DAP: variants seen among roughly 807,000 people sequenced by gnomAD.
DAP encodes death-associated protein 1.
DAP carries 8 observed loss-of-function variants against 13.8 expected under a neutral mutation model. The ratio of observed to expected loss-of-function variants is 0.58; its 90% confidence interval spans 0.34 to 1.05. The LOEUF is 1.05. DAP is among the 50% of genes least tolerant of loss of function. The probability of loss-of-function intolerance (pLI) is 0.03; values close to 1 mark genes in which losing one functional copy is unlikely to be tolerated. For missense variants in DAP, 106 were observed against 133.2 expected, an observed-to-expected ratio of 0.80 and a Z score of 1.01; for synonymous variants, 47 against 47.5, an observed-to-expected ratio of 0.99 and a Z score of 0.04.
At position 10,721,005 on chromosome 5, in the gene DAP, T is replaced by G. The variant is rs561208041; in HGVS notation, c.152+27170A>C. Among the ~76,000 whole-genome samples the G allele has an allele frequency of 7.2e-5, 11 of 152,346 alleles. No individual in the cohort carries two copies. The East Asian group carries it at 2.1e-3, about 29-fold the overall frequency. On this transcript the variant is annotated intron_variant, in intron 2 of 3. Transcript: ENST00000230895. Reference sequence around the variant, plus strand: ...CTAAAGAAGTCTGACACTGGGCTCATGCTCATGGAATTCACTGGTCTTACC... The same window carrying G: ...CTAAAGAAGTCTGACACTGGGCTCAGGCTCATGGAATTCACTGGTCTTACC...
intron 2 of DAP, among the ~76,000 whole-genome samples, chr5:10,694,933 T>C (rs1738396620): frequency 2.0e-5 from 3 of 152,190 alleles, no homozygotes; most frequent in Middle Eastern, 3.2e-3. Context: ...GCTTCCAGAG[T>C]TTACAGAAAA....
At chr5:10,685,131 A>C (rs1359084850) in intron 2 of DAP, among the ~76,000 whole-genome samples, 1 of 107,404 alleles carries the variant, frequency 9.3e-6, no homozygotes, top group Non-Finnish European at 1.8e-5. Flanking sequence ...AGAGTTTACC[A>C]AAAACACCTG....
chr5:10,681,221 G>C (rs1214298433), intron 3 of DAP, 52 bp from the exon 4 acceptor site: 1 of 1,398,136 alleles, frequency 7.2e-7, no homozygotes, highest in African/African-American at 1.5e-5. Context: ...CATGGGGTTT[G>C]TGGGTGAGGA....
chr5:10,760,919 G>T, intron 1 of DAP, 95 bp downstream of exon 1: 2 of 815,838 alleles, frequency 2.5e-6, no homozygotes, highest in Non-Finnish European at 3.2e-6. Context: ...CTCAGCGCTC[G>T]CCGGGGCCCT....
intron 2 of DAP, among the ~76,000 whole-genome samples, chr5:10,732,796 A>C (rs1262148366): frequency 6.6e-6 from 1 of 152,206 alleles, no homozygotes; most frequent in African/African-American, 2.4e-5. Flanking sequence ...AAATATTTTT[A>C]TTATGGTTAA....
intron 1 of DAP, among the ~76,000 whole-genome samples, chr5:10,759,625 A>G (rs1294268462): frequency 6.6e-6 from 1 of 152,110 alleles, no homozygotes; most frequent in Admixed American, 6.5e-5. Context: ...CTCCGTCACC[A>G]CTGAAAAATA....
chr5:10,724,420 A>C (rs1251472839), intron 2 of DAP, among the ~76,000 whole-genome samples: 2 of 152,168 alleles, frequency 1.3e-5, no homozygotes, highest in Non-Finnish European at 2.9e-5. Context: ...TTTCTCTATA[A>C]AAGTCCCATA....
intron 2 of DAP, among the ~76,000 whole-genome samples, chr5:10,691,784 G>T (rs1213223674): frequency 6.6e-6 from 1 of 152,170 alleles, no homozygotes; most frequent in Non-Finnish European, 1.5e-5. Flanking sequence ...TTAGAATCCA[G>T]ATAACACTTC....
chr5:10,733,049 T>C (rs145584438), intron 2 of DAP, among the ~76,000 whole-genome samples: 131 of 152,338 alleles, frequency 8.6e-4, no homozygotes, highest in African/African-American at 3.1e-3. Context: ...TGCAGTACTT[T>C]TCCTTTGGTA....
chr5:10,690,109 TGCAC>T (rs1463178315), intron 2 of DAP, among the ~76,000 whole-genome samples: 2 of 88,878 alleles, frequency 2.3e-5, no homozygotes, highest in Non-Finnish European at 4.8e-5. Context: ...GCTTTAAGAC[TGCAC>T]TTTTTACACA....
chr5:10,709,849 C>T (rs1221888580), intron 2 of DAP, among the ~76,000 whole-genome samples: 2 of 152,200 alleles, frequency 1.3e-5, no homozygotes, highest in Non-Finnish European at 1.5e-5. Context: ...GCACTGCAGC[C>T]CTTCTTGTAT....
At chr5:10,749,450 T>C (rs1487205610) in intron 1 of DAP, among the ~76,000 whole-genome samples, 2 of 151,554 alleles carry the variant, frequency 1.3e-5, no homozygotes, top group Non-Finnish European at 3.0e-5. Context: ...ATTCTCCACA[T>C]GTTCCCGACA....
intron 2 of DAP, among the ~76,000 whole-genome samples, chr5:10,719,180 T>C (rs944451549): frequency 1.3e-5 from 2 of 152,222 alleles, no homozygotes; most frequent in African/African-American, 4.8e-5. Flanking sequence ...AGAGGCACAA[T>C]GCCTAGGGGG....
intron 2 of DAP, among the ~76,000 whole-genome samples, chr5:10,704,235 A>C (rs902895709): frequency 2.0e-5 from 3 of 152,232 alleles, no homozygotes. Context: ...CTTGGGCAGC[A>C]CCCCATATTC....
intron 2 of DAP, among the ~76,000 whole-genome samples, chr5:10,711,293 T>C (rs1052870031): frequency 5.3e-5 from 8 of 152,180 alleles, no homozygotes; most frequent in Non-Finnish European, 1.2e-4. Context: ...GGCCTGGGGC[T>C]TTTACCTTCA....
chr5:10,702,198 T>C (rs1490696529), intron 2 of DAP, among the ~76,000 whole-genome samples: 1 of 152,224 alleles, frequency 6.6e-6, no homozygotes, highest in African/African-American at 2.4e-5. Flanking sequence ...TGCGCACACA[T>C]ACTCAACAAA....
At chr5:10,716,833 G>T (rs1269515876) in intron 2 of DAP, among the ~76,000 whole-genome samples, 1 of 152,192 alleles carries the variant, frequency 6.6e-6, no homozygotes, top group Non-Finnish European at 1.5e-5. Context: ...GAGGAATACA[G>T]ATTTTGGTAC....
At chr5:10,686,012 T>A (rs77011795) in intron 2 of DAP, among the ~76,000 whole-genome samples, 209 of 152,310 alleles carry the variant, frequency 1.4e-3, no homozygotes, top group Non-Finnish European at 2.4e-3. Flanking sequence ...GAATTGAAGG[T>A]TTGTGGCAAC....
At chr5:10,686,416 T>A (rs1261447792) in intron 2 of DAP, among the ~76,000 whole-genome samples, 1 of 152,152 alleles carries the variant, frequency 6.6e-6, no homozygotes, top group Middle Eastern at 3.2e-3. Flanking sequence ...GACAGGCTGG[T>A]CTCTTGCACC....
Sources: allele counts gnomAD v4.1 joint callset (sites outside exome capture counted in the v4.1 genomes callset), GRCh38; gene constraint gnomAD v4.1.1; transcripts MANE v1.5; gene names NCBI Gene and HGNC (gene_info 2026-07-23, HGNC 2026-07-21).